KRT73: variants seen among roughly 807,000 people sequenced by gnomAD.
KRT73 encodes the protein keratin, type II cytoskeletal 73.
A neutral mutation model predicts 47.2 loss-of-function variants in KRT73; 44 were observed. The observed-to-expected ratio is 0.93, with a 90% CI of 0.73 to 1.20. The LOEUF is 1.20. Ranked by LOEUF, KRT73 falls within the 50% of genes most tolerant of loss-of-function variation. KRT73 has a pLI of 0.00. For synonymous variants in KRT73, 285 were observed against 291.3 expected (o/e 0.98, Z 0.22); for missense variants, 713 against 704.5 (o/e 1.01, Z -0.14).
At chr12:52,630,173 G>C in the KRT73 span, among the ~76,000 whole-genome samples, 1 of 152,202 alleles carries the variant, frequency 6.6e-6, no homozygotes, top group East Asian at 1.9e-4. Flanking sequence ...GCCCTGACTG[G>C]ACAGCACTGC....
intron 7 of KRT73, chr12:52,610,178 C>G (rs1312051179): frequency 1.0e-5 from 2 of 197,742 alleles, no homozygotes; most frequent in Non-Finnish European, 2.1e-5. Flanking sequence ...TGGGTTCAAG[C>G]GATTCTCCTG....
At chr12:52,624,374 G>A in the KRT73 span, among the ~76,000 whole-genome samples, 1 of 151,908 alleles carries the variant, frequency 6.6e-6, no homozygotes, top group East Asian at 1.9e-4. Context: ...TATTATCAAG[G>A]ATATAAAAGA....
upstream of KRT73, among the ~76,000 whole-genome samples, chr12:52,620,878 T>C (rs1461780171): frequency 6.6e-6 from 1 of 152,198 alleles, no homozygotes; most frequent in Non-Finnish European, 1.5e-5. Flanking sequence ...TGTCTCTACC[T>C]GTGTTCAGGA....
intron 3 of KRT73, 76 bp from the exon 4 acceptor site, chr12:52,614,750 C>T (rs554937192): frequency 1.7e-6 from 2 of 1,191,644 alleles, no homozygotes; most frequent in Admixed American, 2.2e-5. Context: ...CTGACACCTG[C>T]AGGCCCTGCC....
chr12:52,614,169 G>C, intron 4 of KRT73: 2 of 347,738 alleles, frequency 5.8e-6, no homozygotes, highest in Non-Finnish European at 1.0e-5. Context: ...GCCCAGAAAT[G>C]CTTGGCCAAT....
chr12:52,608,538 A>T (rs1456648549), intron 8 of KRT73, 86 bp from the exon 9 acceptor site: 1 of 1,201,570 alleles, frequency 8.3e-7, no homozygotes, highest in Admixed American at 2.7e-5. Context: ...CAGCCCCACT[A>T]GCTTAAATAC....
chr12:52,629,641 C>A, the KRT73 span, among the ~76,000 whole-genome samples: 3 of 152,334 alleles, frequency 2.0e-5, no homozygotes, highest in South Asian at 6.2e-4. Flanking sequence ...AAATCCACCC[C>A]CACCTATGTA....
upstream of KRT73, among the ~76,000 whole-genome samples, chr12:52,620,991 C>G (rs1940895680): frequency 6.6e-6 from 1 of 152,178 alleles, no homozygotes; most frequent in Admixed American, 6.5e-5. Context: ...ACTCCAGTGG[C>G]AAAGGACTCT....
intron 1 of KRT73, among the ~76,000 whole-genome samples, chr12:52,617,227 G>A (rs777489262): frequency 1.6e-4 from 24 of 152,182 alleles, no homozygotes; most frequent in Non-Finnish European, 2.8e-4. Context: ...CCTCACTGTC[G>A]CTCCGGGTGA....
At position 52,608,104 on chromosome 12, in the gene KRT73, G is replaced by A. The variant is rs1940620105; in HGVS notation, c.*92C>T. 2.2e-6 allele frequency: 3 copies of A among 1,363,420 alleles called. No homozygotes were observed. In the East Asian group the frequency reaches 7.1e-5, roughly 32 times the overall value. 84.5% of individuals were successfully genotyped at this position (1,363,420 alleles called of 1,614,324 possible). A position where few individuals can be genotyped will look rare whatever the true frequency, so the allele number is the denominator to read the frequency against. ...CAGCAAAGCAAAGCAAGAAGGAGAT[G>A]AGGACAAATGAGACAGAGGAATTTC... On this transcript the variant is annotated 3_prime_UTR_variant, in exon 9 of 9. Coordinates refer to ENST00000305748, the MANE Select transcript of KRT73 (RefSeq NM_175068.3).
chr12:52,617,709 C>A (rs1033049914), intron 1 of KRT73, among the ~76,000 whole-genome samples: 2 of 152,210 alleles, frequency 1.3e-5, no homozygotes, highest in African/African-American at 4.8e-5. Flanking sequence ...TTCCTGGACA[C>A]CTTCCTGGGC....
Position 52,616,323 on chromosome 12 carries a change from G to T in KRT73, c.505C>A (p.Gln169Lys), listed in dbSNP as rs769597099. The T allele has an allele frequency of 6.2e-7, 1 of 1,614,198 alleles. No homozygotes were observed. Among genetic ancestry groups the T allele is most frequent in the Non-Finnish European group, 8.5e-7 (1 of 1,180,042 alleles). Residue 169 changes from glutamine to lysine, a missense_variant, in exon 2 of 9, where the codon CAG becomes AAG. Coordinates refer to ENST00000305748, the MANE Select transcript of KRT73 (RefSeq NM_175068.3). ...TTCTTGCAGTTGTTCAGGTCCAGCT[G>T]CTGTAGCAGCTCCCACTTGGTCTCC... ...VLETKWELLQ[Q>K]LDLNNCKNNL...
At chr12:52,618,015 A>G (rs1940844232) in intron 1 of KRT73, 63 bp downstream of exon 1, 2 of 1,508,814 alleles carry the variant, frequency 1.3e-6, no homozygotes, top group East Asian at 4.5e-5. Flanking sequence ...AAATTAGGGC[A>G]GTGGCTCCCT....
chr12:52,621,181 C>T (rs545820655), upstream of KRT73, among the ~76,000 whole-genome samples: 88 of 151,666 alleles, frequency 5.8e-4, no homozygotes, highest in Middle Eastern at 0.024. Flanking sequence ...GCCAGATGAA[C>T]CCAATTACCA....
chr12:52,619,489 G>A (rs1351034611), upstream of KRT73, among the ~76,000 whole-genome samples: 1 of 152,152 alleles, frequency 6.6e-6, no homozygotes, highest in Non-Finnish European at 1.5e-5. Flanking sequence ...AAAAGCACAG[G>A]CCCCAGCCTT....
rs267603522 is a variant in KRT73, at chr12:52,618,246, G to T, written c.279C>A (p.Ser93=). 1.9e-6 allele frequency: 3 copies of T among 1,614,174 alleles called. No individual in the cohort carries two copies. The South Asian group carries it at 3.3e-5, about 18-fold the overall frequency. The stretch of plus-strand genomic sequence containing the variant: ...CGGGCGGGCACAACGACGGACACAC[G>T]GACCCCAAGGCCACACTGCCAAACA... The part of the protein sequence containing the change: ...GSMFGSVALG[S]VCPSLCPPGG... The change falls in exon 1 of 9, where the codon TCC becomes TCA. Residue 93 remains serine (S), a synonymous_variant. Transcript: ENST00000305748.
At chr12:52,619,752 A>G (rs1287148856), upstream of KRT73, among the ~76,000 whole-genome samples, 2 of 152,204 alleles carry the variant, frequency 1.3e-5, no homozygotes, top group Non-Finnish European at 2.9e-5. Flanking sequence ...TTTGAATTTC[A>G]TGGATCCTTG....
At chr12:52,621,991 T>C (rs1940915015), upstream of KRT73, among the ~76,000 whole-genome samples, 1 of 152,166 alleles carries the variant, frequency 6.6e-6, no homozygotes, top group African/African-American at 2.4e-5. Flanking sequence ...CCCTTTCCCC[T>C]GCAAGGACAA....
the KRT73 span, among the ~76,000 whole-genome samples, chr12:52,627,570 G>C: frequency 6.6e-6 from 1 of 152,140 alleles, no homozygotes; most frequent in African/African-American, 2.4e-5. Flanking sequence ...AGCAGGAGAC[G>C]AAACAGGAGA....
Sources: allele counts gnomAD v4.1 joint callset (sites outside exome capture counted in the v4.1 genomes callset), GRCh38; gene constraint gnomAD v4.1.1; transcripts MANE v1.5; gene names NCBI Gene and HGNC (gene_info 2026-07-23, HGNC 2026-07-21).